HECW2: variants seen among roughly 807,000 people sequenced by gnomAD.
HECW2 encodes E3 ubiquitin-protein ligase HECW2.
A neutral mutation model predicts 175.2 loss-of-function variants in HECW2; 61 were observed. The ratio of observed to expected loss-of-function variants is 0.35; its 90% CI spans 0.28 to 0.43. The LOEUF is 0.43. Ranked by LOEUF, HECW2 falls within the 20% of genes least tolerant of loss-of-function variation. HECW2 has a pLI of 1.00. For synonymous variants in HECW2, 671 were observed against 731.0 expected, an observed-to-expected ratio of 0.92 and a Z score of 1.32; for missense variants, 1,524 against 2,000.5, an observed-to-expected ratio of 0.76 and a Z score of 4.54.
At chr2:196,484,182 G>A (rs542827443) in intron 1 of HECW2, among the ~76,000 whole-genome samples, 1 of 152,318 alleles carries the variant, frequency 6.6e-6, no homozygotes, top group East Asian at 1.9e-4. Context: ...GCTACAGCAT[G>A]AAGAAGTGCT....
intron 1 of HECW2, among the ~76,000 whole-genome samples, chr2:196,522,238 G>T (rs1236923275): frequency 1.3e-5 from 2 of 152,086 alleles, no homozygotes; most frequent in African/African-American, 4.8e-5. Flanking sequence ...GGCCAGTGAT[G>T]ATGAGCATTT....
At chr2:196,202,891 G>C (rs1247866412) in intron 28 of HECW2, among the ~76,000 whole-genome samples, 1 of 152,088 alleles carries the variant, frequency 6.6e-6, no homozygotes, top group East Asian at 1.9e-4. Context: ...TTGGGGAATG[G>C]GACCCAAGTC....
intron 19 of HECW2, among the ~76,000 whole-genome samples, chr2:196,243,244 C>T (rs1156422347): frequency 1.3e-5 from 2 of 150,910 alleles, no homozygotes; most frequent in African/African-American, 2.4e-5. Context: ...CTCAGCTCAC[C>T]GCAACCTCCA....
At chr2:196,566,143 A>G (rs1214035761) in intron 1 of HECW2, among the ~76,000 whole-genome samples, 1 of 152,176 alleles carries the variant, frequency 6.6e-6, no homozygotes, top group East Asian at 1.9e-4. Context: ...AACTAACTAA[A>G]ATTTTTGCAA....
At chr2:196,332,405 C>A (rs1692400041) in intron 4 of HECW2, among the ~76,000 whole-genome samples, 1 of 152,200 alleles carries the variant, frequency 6.6e-6, no homozygotes, top group African/African-American at 2.4e-5. Flanking sequence ...ATAGACCAAA[C>A]TGTCTCAAGC....
At chr2:196,229,278 A>T (rs1687962069) in intron 21 of HECW2, among the ~76,000 whole-genome samples, 1 of 151,228 alleles carries the variant, frequency 6.6e-6, no homozygotes, top group East Asian at 1.9e-4. Context: ...CTTCTTTTTG[A>T]ATTTTTTTTT....
chr2:196,422,210 G>C (rs752892575), intron 2 of HECW2, among the ~76,000 whole-genome samples: 1 of 152,104 alleles, frequency 6.6e-6, no homozygotes, highest in Non-Finnish European at 1.5e-5. Flanking sequence ...CTTTGAAACA[G>C]ACTGGAGGAC....
chr2:196,442,369 T>C (rs574653130), intron 1 of HECW2, among the ~76,000 whole-genome samples: 2 of 152,322 alleles, frequency 1.3e-5, no homozygotes, highest in Non-Finnish European at 2.9e-5. Context: ...ACAACACTCA[T>C]ATGTTGCTGA....
intron 2 of HECW2, among the ~76,000 whole-genome samples, chr2:196,360,025 G>GC (rs1693530296): frequency 6.6e-6 from 1 of 152,002 alleles, no homozygotes; most frequent in Non-Finnish European, 1.5e-5. Flanking sequence ...GATTGCTTGA[G>GC]CCCCAGGAAT....
intron 1 of HECW2, among the ~76,000 whole-genome samples, chr2:196,586,246 T>C (rs186852172): frequency 1.5e-3 from 224 of 152,328 alleles, no homozygotes; most frequent in African/African-American, 5.1e-3. Flanking sequence ...TGGCATATTG[T>C]TTTATTTGTT....
At chr2:196,497,261 T>G (rs1687425967) in intron 1 of HECW2, among the ~76,000 whole-genome samples, 2 of 152,244 alleles carry the variant, frequency 1.3e-5, no homozygotes, top group Admixed American at 1.3e-4. Context: ...GACTTTAGTT[T>G]GTACGACTTT....
At chr2:196,277,481 T>C (rs1261213792) in intron 15 of HECW2, among the ~76,000 whole-genome samples, 1 of 152,152 alleles carries the variant, frequency 6.6e-6, no homozygotes, top group African/African-American at 2.4e-5. Flanking sequence ...AGACAATAGG[T>C]GCTGGAGAGG....
At chr2:196,368,401 A>T (rs1693812040) in intron 2 of HECW2, among the ~76,000 whole-genome samples, 1 of 152,204 alleles carries the variant, frequency 6.6e-6, no homozygotes, top group East Asian at 1.9e-4. Context: ...TGCTTTTAGC[A>T]TCCTTTCTTT....
intron 2 of HECW2, among the ~76,000 whole-genome samples, chr2:196,424,145 C>T (rs987183420): frequency 2.0e-5 from 3 of 151,934 alleles, no homozygotes; most frequent in Non-Finnish European, 4.4e-5. Context: ...GATCTCTGAT[C>T]AGTGGTCTTT....
chr2:196,551,031 A>T (rs1689588815), intron 1 of HECW2, among the ~76,000 whole-genome samples: 1 of 152,238 alleles, frequency 6.6e-6, no homozygotes, highest in Non-Finnish European at 1.5e-5. Flanking sequence ...CAAACATTCA[A>T]ACTTCCAATT....
At chr2:196,325,235 G>C (rs764476066) in intron 5 of HECW2, 86 bp from the exon 6 acceptor site, 119 of 963,494 alleles carry the variant, frequency 1.2e-4, no homozygotes, top group Non-Finnish European at 1.7e-4. Flanking sequence ...GAGAACAAGG[G>C]ACAGAAGAAG....
intron 2 of HECW2, among the ~76,000 whole-genome samples, chr2:196,352,335 C>A (rs1368200093): frequency 6.6e-6 from 1 of 152,042 alleles, no homozygotes; most frequent in African/African-American, 2.4e-5. Flanking sequence ...TGGGCACCAG[C>A]ACATTACTGG....
intron 2 of HECW2, among the ~76,000 whole-genome samples, chr2:196,417,292 G>T (rs1695281309): frequency 6.6e-6 from 1 of 152,176 alleles, no homozygotes; most frequent in African/African-American, 2.4e-5. Context: ...AGTTTCCTTA[G>T]ATTTGAGTGA....
At chr2:196,469,256 C>A (rs114654187) in intron 1 of HECW2, among the ~76,000 whole-genome samples, 2,043 of 151,996 alleles carry the variant, frequency 0.013, 16 homozygotes, top group Non-Finnish European at 0.022. Context: ...AATGTAGAGA[C>A]AACTAAACAG....
Sources: allele counts gnomAD v4.1 joint callset (sites outside exome capture counted in the v4.1 genomes callset), GRCh38; gene constraint gnomAD v4.1.1; transcripts MANE v1.5; gene names NCBI Gene and HGNC (gene_info 2026-07-23, HGNC 2026-07-21).